AP2B1: variants seen among roughly 807,000 people sequenced by gnomAD.
AP2B1 encodes adaptor related protein complex 2 subunit beta 1.
A neutral mutation model predicts 102.0 loss-of-function variants in AP2B1; 23 were observed. The observed-to-expected ratio is 0.23, with a 90% CI of 0.16 to 0.32. The LOEUF (loss-of-function observed/expected upper bound fraction) is 0.32, where lower values mean the gene tolerates loss of function less well. Ranked by LOEUF, AP2B1 falls within the 10% of genes least tolerant of loss-of-function variation. The pLI is 1.00. For missense variants in AP2B1, 541 were observed against 1,157.4 expected, an observed-to-expected ratio of 0.47 and a Z score of 7.73; for synonymous variants, 381 against 421.2, an observed-to-expected ratio of 0.90 and a Z score of 1.17.
chr17:35,606,906 A>ATT (rs752972298), intron 4 of AP2B1, among the ~76,000 whole-genome samples: 3 of 143,972 alleles, frequency 2.1e-5, no homozygotes, highest in Non-Finnish European at 3.1e-5. Flanking sequence ...ATTCCCATTA[A>ATT]TTTTTTTTTT....
intron 14 of AP2B1, chr17:35,660,012 T>C (rs1162009660): frequency 1.7e-5 from 17 of 985,302 alleles, no homozygotes; most frequent in Non-Finnish European, 1.9e-5. Flanking sequence ...TTTATTGTTC[T>C]TATGCAAATT....
chr17:35,603,767 G>A (rs2073567412), intron 3 of AP2B1, among the ~76,000 whole-genome samples: 1 of 152,204 alleles, frequency 6.6e-6, no homozygotes, highest in South Asian at 2.1e-4. Context: ...CGTAACTGAA[G>A]TGCTTTGAAA....
In AP2B1 at chr17:35,627,403, G is replaced by C; in HGVS notation, c.957G>C (p.Gln319His). The change falls in exon 8 of 22, where the codon CAG (glutamine) becomes CAC (histidine). Residue 319 changes from glutamine (Q) to histidine (H), a missense_variant. By Grantham distance (24) the Gln-to-His change is conservative. This residue lies in a region of AP2B1 where 134 missense variants were observed against 250.2 expected (regional missense o/e 0.54). Transcript: ENST00000610402. ...ACCCTAGGCCTGAAATCTTGAAGCA[G>C]GAAATCAAAGTCTTCTTTGTGAAGT... ...IVQKRPEILK[Q>H]EIKVFFVKYN... 6.2e-7 allele frequency: 1 copy of C among 1,613,642 alleles called. No homozygotes were observed. The highest frequency in any genetic ancestry group is 8.5e-7 in the Non-Finnish European group (1 of 1,179,910).
chr17:35,694,756 G>A (rs1333878340), intron 18 of AP2B1, among the ~76,000 whole-genome samples: 2 of 152,100 alleles, frequency 1.3e-5, no homozygotes, highest in East Asian at 1.9e-4. Context: ...GGTGGCACAC[G>A]CCTGTAATTC....
chr17:35,710,413 C>T, intron 20 of AP2B1, 93 bp downstream of exon 20: 1 of 822,536 alleles, frequency 1.2e-6, no homozygotes. Context: ...CTTTTATCCT[C>T]CCCCGTATCT....
chr17:35,711,724 G>A (rs2076456292), intron 20 of AP2B1, among the ~76,000 whole-genome samples: 2 of 152,328 alleles, frequency 1.3e-5, no homozygotes, highest in East Asian at 1.9e-4. Context: ...GCCCGCCTCG[G>A]CCTCCCAAAG....
At chr17:35,694,433 T>A (rs12949969) in intron 18 of AP2B1, among the ~76,000 whole-genome samples, 2 of 146,432 alleles carry the variant, frequency 1.4e-5, no homozygotes, top group Non-Finnish European at 3.0e-5. Flanking sequence ...TTTAATTTTT[T>A]AATTTTTTGT....
intron 21 of AP2B1, among the ~76,000 whole-genome samples, chr17:35,721,434 C>T (rs1193576441): frequency 6.6e-6 from 1 of 152,132 alleles, no homozygotes; most frequent in Non-Finnish European, 1.5e-5. Flanking sequence ...CAAGGAAGGC[C>T]TCTTTCTCCC....
intron 1 of AP2B1, chr17:35,588,712 G>C (rs898043137): frequency 1.3e-5 from 2 of 152,150 alleles, no homozygotes; most frequent in African/African-American, 4.8e-5. Context: ...ACATTCCAGT[G>C]ATGACTAAGC....
In AP2B1 at chr17:35,610,465, TAAAG is replaced by T. The variant is rs762350327; in HGVS notation, c.525+2082_525+2085del. Among the ~76,000 whole-genome samples the T allele has an allele frequency of 6.0e-5, 9 of 150,832 alleles. No individual in the cohort carries two copies. In the South Asian group the frequency reaches 8.8e-4, roughly 15 times the overall value. On this transcript the variant is annotated intron_variant, in intron 5 of 21. Coordinates refer to ENST00000610402, the MANE Select transcript of AP2B1 (RefSeq NM_001030006.2). ...CCCAGCCCCCTTTTTAAAAATTACA[TAAAG>T]AAATTAGTTGGCTAGGCATGTTGGC...
At chr17:35,671,011 A>T in intron 15 of AP2B1, 113 bp downstream of exon 15, 1 of 1,079,934 alleles carries the variant, frequency 9.3e-7, no homozygotes, top group Non-Finnish European at 1.4e-6. Context: ...GCACACCAAA[A>T]CCTCTATAAC....
At chr17:35,663,476 T>A (rs1486655999) in intron 14 of AP2B1, among the ~76,000 whole-genome samples, 1 of 152,258 alleles carries the variant, frequency 6.6e-6, no homozygotes, top group Non-Finnish European at 1.5e-5. Flanking sequence ...CTTCAAAGTT[T>A]GTACACTTTA....
intron 1 of AP2B1, among the ~76,000 whole-genome samples, chr17:35,589,214 CTT>C (rs2073003865): frequency 6.6e-6 from 1 of 152,156 alleles, no homozygotes; most frequent in Non-Finnish European, 1.5e-5. Context: ...ATGCTATTGT[CTT>C]TGCATTATTA....
chr17:35,686,728 G>T (rs2075940150), intron 18 of AP2B1, among the ~76,000 whole-genome samples: 1 of 152,202 alleles, frequency 6.6e-6, no homozygotes, highest in African/African-American at 2.4e-5. Flanking sequence ...ACTTTGGGAG[G>T]CTGAGGTGGG....
chr17:35,670,790 A>G (rs1199703583), intron 14 of AP2B1, 67 bp from the exon 15 acceptor site: 2 of 1,490,436 alleles, frequency 1.3e-6, no homozygotes, highest in Non-Finnish European at 1.9e-6. Context: ...CAGATTCTAT[A>G]TGGGCATCTA....
chr17:35,641,902 T>C lies in AP2B1; in HGVS notation c.1463T>C (p.Ile488Thr). The C allele has an allele frequency of 6.2e-7, 1 of 1,612,710 alleles. No individual in the cohort carries two copies. The highest frequency in any genetic ancestry group is 8.5e-7 in the Non-Finnish European group (1 of 1,178,912). Residue 488 changes from isoleucine (I) to threonine (T), a missense_variant, in exon 12 of 22, where the codon ATA (isoleucine) becomes ACA (threonine). Ile to Thr is a moderately conservative substitution (Grantham distance 89). Transcript: ENST00000610402. ...TQVQLTLLTA[I>T]VKLFLKKPSE... is the part of the protein sequence containing the mutation. ...GTGCAGCTCACTCTGCTTACTGCCA[T>C]AGTGAAGCTGTTTCTCAAGAAACCA... is the stretch of plus-strand genomic sequence containing the variant.
rs1390556460 is a variant in AP2B1 at position 35,688,026 on chromosome 17, A to G, written c.2454+5202A>G. On this transcript the variant is annotated intron_variant, in intron 18 of 21. Transcript: ENST00000610402. Reference sequence around the variant, plus strand: ...GAGATCAGACCCTTCAAAGTATACTATTGGTTTCCCTTTCTTAAAGTCTCT... The same window carrying G: ...GAGATCAGACCCTTCAAAGTATACTGTTGGTTTCCCTTTCTTAAAGTCTCT... Among the ~76,000 whole-genome samples, 4 of 152,162 alleles carry G rather than the reference A, an allele frequency of 2.6e-5. No individual in the cohort carries two copies. The South Asian group carries it at 6.2e-4, about 24-fold the overall frequency.
chr17:35,705,696 A>G (rs2076327203), intron 18 of AP2B1, among the ~76,000 whole-genome samples: 1 of 151,868 alleles, frequency 6.6e-6, no homozygotes, highest in African/African-American at 2.4e-5. Context: ...TAATTTTTGC[A>G]TTTTTAGTAG....
intron 18 of AP2B1, among the ~76,000 whole-genome samples, chr17:35,685,317 G>A (rs2075908464): frequency 6.6e-6 from 1 of 152,222 alleles, no homozygotes; most frequent in African/African-American, 2.4e-5. Flanking sequence ...GCTTAGGGAT[G>A]TGTAGGGTAC....
Sources: allele counts gnomAD v4.1 joint callset (sites outside exome capture counted in the v4.1 genomes callset), GRCh38; gene constraint gnomAD v4.1.1; regional missense constraint gnomAD v4.1.1; transcripts MANE v1.5; gene names NCBI Gene and HGNC (gene_info 2026-07-23, HGNC 2026-07-21).